Variants in MAPK8 observed in about 807,000 individuals in gnomAD.
MAPK8 encodes mitogen-activated protein kinase 8, also known as JUN N-terminal kinase.
Under a neutral mutation model 52.9 loss-of-function variants are expected in MAPK8, and 13 were observed. That is an observed-to-expected ratio of 0.25 (90% CI 0.16 to 0.39). The LOEUF (loss-of-function observed/expected upper bound fraction) is 0.39. Among genes scored for constraint, MAPK8 ranks in the 10% least tolerant of loss-of-function variants. The pLI, the probability that MAPK8 is intolerant of heterozygous loss-of-function variation, is 1.00. For synonymous variants in MAPK8, 191 were observed against 169.8 expected, an observed-to-expected ratio of 1.12 and a Z score of -0.97; for missense variants, 300 against 519.2, an observed-to-expected ratio of 0.58 and a Z score of 4.10.
chr10:48,336,861 A>G (rs946805646), intron 1 of MAPK8, among the ~76,000 whole-genome samples: 4 of 152,194 alleles, frequency 2.6e-5, no homozygotes, highest in African/African-American at 7.2e-5. Context: ...CAGATATTAA[A>G]CCAACAACAG....
intron 1 of MAPK8, among the ~76,000 whole-genome samples, chr10:48,340,438 A>G (rs763589519): frequency 3.9e-5 from 6 of 152,188 alleles, no homozygotes; most frequent in East Asian, 1.9e-4. Flanking sequence ...CCTGGGTACT[A>G]TGTTCACTAT....
chr10:48,402,269 C>CT (rs2132982977), intron 2 of MAPK8, among the ~76,000 whole-genome samples: 1 of 152,288 alleles, frequency 6.6e-6, no homozygotes, highest in Non-Finnish European at 1.5e-5. Flanking sequence ...ACAAATATCT[C>CT]TATCAGCAAA....
rs1271118137 is a variant in MAPK8, at chr10:48,413,621, A to G, written c.450+3453A>G. ...TGTTTTATGGTGCTTCTGTGGAGCT[A>G]TTTTGGCTGACATCACTGCCTCTCA... On this transcript the variant is annotated intron_variant, in intron 5 of 11. Transcript: ENST00000374189. 4.6e-5 allele frequency among the ~76,000 whole-genome samples: 7 copies of G among 151,762 alleles called. No individual in the cohort carries two copies. In the South Asian group the frequency reaches 8.3e-4, roughly 18 times the overall value.
intron 1 of MAPK8, among the ~76,000 whole-genome samples, chr10:48,363,365 G>T (rs1388478494): frequency 6.6e-6 from 1 of 152,090 alleles, no homozygotes; most frequent in African/African-American, 2.4e-5. Context: ...CTTTGGCTTT[G>T]GTAGCTGGAG....
chr10:48,392,168 T>G (rs902120647), intron 1 of MAPK8, among the ~76,000 whole-genome samples: 2 of 152,192 alleles, frequency 1.3e-5, no homozygotes, highest in Admixed American at 6.5e-5. Flanking sequence ...CTTCTTAGCC[T>G]TTCTGTGCAG....
At chr10:48,391,742 G>A (rs1011908465) in intron 1 of MAPK8, among the ~76,000 whole-genome samples, 4 of 152,048 alleles carry the variant, frequency 2.6e-5, no homozygotes, top group Admixed American at 6.5e-5. Context: ...CCCTCCCACC[G>A]CCACCAGATA....
rs1398242580 is a variant in MAPK8, at chr10:48,437,182, G to T, written c.*2153G>T. The T allele has an allele frequency of 1.3e-5, 2 of 152,198 alleles. No individual in the cohort carries two copies. The highest frequency in any genetic ancestry group is 4.8e-5 in the African/African-American group (2 of 41,452). 9.4% of individuals were successfully genotyped at this position (152,198 alleles called of 1,614,324 possible). ...AAAGAAAACAAACTCTCATTACTTA[G>T]TGTAAACTAAAATACTTAACAAATT... On this transcript the variant is annotated 3_prime_UTR_variant, in exon 12 of 12. Coordinates refer to ENST00000374189, the MANE Select transcript of MAPK8 (RefSeq NM_001323329.2).
intron 1 of MAPK8, among the ~76,000 whole-genome samples, chr10:48,355,762 A>G (rs919662603): frequency 6.6e-6 from 1 of 152,184 alleles, no homozygotes; most frequent in African/African-American, 2.4e-5. Context: ...TAAACTATAC[A>G]TTGAAGAAGC....
At chr10:48,433,650 C>T (rs1165822457) in intron 11 of MAPK8, among the ~76,000 whole-genome samples, 2 of 152,156 alleles carry the variant, frequency 1.3e-5, no homozygotes, top group African/African-American at 4.8e-5. Context: ...GTATCCCAGT[C>T]CCCTCCCTAA....
chr10:48,435,092 T>C lies in MAPK8; in HGVS notation c.*63T>C. On this transcript the variant is annotated 3_prime_UTR_variant, in exon 12 of 12. Coordinates refer to ENST00000374189, the MANE Select transcript of MAPK8 (RefSeq NM_001323329.2). Reference sequence around the variant, plus strand: ...CGGTTAGTCATTGATAGAACTACTTTGAAAACAATTCAGTGGTCTTATTTT... The same window carrying C: ...CGGTTAGTCATTGATAGAACTACTTCGAAAACAATTCAGTGGTCTTATTTT... The C allele has an allele frequency of 8.0e-7, 1 of 1,254,440 alleles. No individual in the cohort carries two copies. Among genetic ancestry groups the C allele is most frequent in the African/African-American group, 1.5e-5 (1 of 65,992 alleles). The allele number at this position is 1,254,440 out of a possible 1,614,324, so 77.7% of individuals were successfully genotyped here.
At chr10:48,401,867 T>C in intron 2 of MAPK8, 85 bp downstream of exon 2, 1 of 1,110,958 alleles carries the variant, frequency 9.0e-7, no homozygotes, top group Non-Finnish European at 1.2e-6. Context: ...TTGGCAAATA[T>C]TTAACTTGCT....
intron 1 of MAPK8, among the ~76,000 whole-genome samples, chr10:48,343,921 T>C (rs1045559610): frequency 2.0e-5 from 3 of 152,226 alleles, no homozygotes; most frequent in African/African-American, 7.2e-5. Flanking sequence ...GATATAGCTA[T>C]GGAGAAAGCA....
At chr10:48,334,036 A>C (rs1844420101) in intron 1 of MAPK8, among the ~76,000 whole-genome samples, 1 of 152,074 alleles carries the variant, frequency 6.6e-6, no homozygotes, top group African/African-American at 2.4e-5. Flanking sequence ...GGTGGACAGC[A>C]TGTTCCGGGC....
At chr10:48,378,356 T>C (rs1431526612) in intron 1 of MAPK8, among the ~76,000 whole-genome samples, 1 of 152,180 alleles carries the variant, frequency 6.6e-6, no homozygotes, top group African/African-American at 2.4e-5. Flanking sequence ...TGTTGAATCA[T>C]CCCTAGTCTT....
chr10:48,316,993 T>C (rs1435931726), intron 1 of MAPK8, among the ~76,000 whole-genome samples: 1 of 152,168 alleles, frequency 6.6e-6, no homozygotes, highest in Non-Finnish European at 1.5e-5. Context: ...TCTTGTGCTT[T>C]ATGTATGTTA....
intron 1 of MAPK8, among the ~76,000 whole-genome samples, chr10:48,329,401 G>A (rs1843877305): frequency 6.6e-6 from 1 of 152,164 alleles, no homozygotes; most frequent in Admixed American, 6.5e-5. Flanking sequence ...CTAATTGGAA[G>A]AATTCAGAGC....
chr10:48,437,916 A>T lies in MAPK8; in HGVS notation c.*2887A>T, dbSNP rs551653419. The T allele has an allele frequency of 1.3e-5, 2 of 152,236 alleles. No individual in the cohort carries two copies. Among genetic ancestry groups the T allele is most frequent in the Non-Finnish European group, 2.9e-5 (2 of 68,052 alleles). 9.4% of individuals were successfully genotyped at this position (152,236 alleles called of 1,614,324 possible). ...CTAATCCTGCTGTGTTGTCTAAAAG[A>T]TGGAGGGAAGAGGACATCAGTGTCT... On this transcript the variant is annotated 3_prime_UTR_variant, in exon 12 of 12. Coordinates refer to ENST00000374189, the MANE Select transcript of MAPK8 (RefSeq NM_001323329.2).
At chr10:48,363,630 G>A (rs992013771) in intron 1 of MAPK8, among the ~76,000 whole-genome samples, 4 of 152,004 alleles carry the variant, frequency 2.6e-5, no homozygotes, top group African/African-American at 9.7e-5. Flanking sequence ...GAACATATTT[G>A]TTACTGTTTT....
At chr10:48,413,815 T>TTATATATATATG (rs2042894665) in intron 5 of MAPK8, among the ~76,000 whole-genome samples, 10 of 48,374 alleles carry the variant, frequency 2.1e-4, no homozygotes, top group Non-Finnish European at 3.1e-4. Context: ...GCCAGAATTG[T>TTATATATATATG]TATATATATA....
Sources: gnomAD v4.1 joint callset for allele counts (sites outside exome capture counted in the v4.1 genomes callset) on GRCh38, gnomAD v4.1.1 for gene constraint, MANE v1.5 for transcripts, NCBI Gene and HGNC (gene_info 2026-07-23, HGNC 2026-07-21) for gene names.